The following MSRA variants were observed in gnomAD, a reference collection of about 807,000 sequenced individuals.
The protein encoded by MSRA is mitochondrial peptide methionine sulfoxide reductase.
A neutral mutation model predicts 31.3 loss-of-function variants in MSRA; 54 were observed. The ratio of observed to expected loss-of-function variants is 1.73; its 90% CI spans 1.39 to 2.17. MSRA has a LOEUF of 2.17. Among genes scored for constraint, MSRA ranks in the 30% most tolerant of loss-of-function variants. The pLI, the probability that MSRA is intolerant of heterozygous loss-of-function variation, is 0.00. For synonymous variants in MSRA, 169 were observed against 116.5 expected, an observed-to-expected ratio of 1.45 and a Z score of -2.90; for missense variants, 507 against 300.9, an observed-to-expected ratio of 1.69 and a Z score of -5.07.
At chr8:10,327,603 C>T (rs1177241740) in intron 5 of MSRA, among the ~76,000 whole-genome samples, 6 of 151,988 alleles carry the variant, frequency 3.9e-5, no homozygotes, top group African/African-American at 7.3e-5. Context: ...TGTTTTGTTG[C>T]GGGGAGGCGG....
chr8:10,329,555 A>C (rs1802571807), intron 5 of MSRA, among the ~76,000 whole-genome samples: 1 of 152,196 alleles, frequency 6.6e-6, no homozygotes, highest in Non-Finnish European at 1.5e-5. Flanking sequence ...GTGCCATATA[A>C]AATAACATTC....
At chr8:10,059,693 A>G (rs1020106220) in intron 1 of MSRA, among the ~76,000 whole-genome samples, 1 of 152,234 alleles carries the variant, frequency 6.6e-6, no homozygotes, top group East Asian at 1.9e-4. Flanking sequence ...AATCATCATA[A>G]GCAAAGCCAA....
In MSRA at chr8:10,306,271, G is replaced by A. The variant is rs561405379; in HGVS notation, c.436+4633G>A. On this transcript the variant is annotated intron_variant, in intron 4 of 5. Coordinates refer to ENST00000317173, the MANE Select transcript of MSRA (RefSeq NM_012331.5). ...AAGGGATAATAATGTCTATACTGCC[G>A]ACTTAATGGTCTGATGTAGGAATTA... Among the ~76,000 whole-genome samples the A allele has an allele frequency of 1.4e-4, 21 of 152,182 alleles. No homozygotes were observed. The South Asian group carries it at 2.9e-3, about 21-fold the overall frequency.
At chr8:10,286,798 C>G (rs1295534856) in intron 3 of MSRA, among the ~76,000 whole-genome samples, 1 of 152,200 alleles carries the variant, frequency 6.6e-6, no homozygotes, top group African/African-American at 2.4e-5. Flanking sequence ...CCTGGCCTGT[C>G]CAGCTGGGAC....
chr8:10,057,761 C>A (rs185361307), intron 1 of MSRA, among the ~76,000 whole-genome samples: 2 of 152,194 alleles, frequency 1.3e-5, no homozygotes, highest in Non-Finnish European at 1.5e-5. Context: ...GGAGATGTGC[C>A]AGCTTCCTCT....
At chr8:10,339,895 C>T (rs767678941) in intron 5 of MSRA, among the ~76,000 whole-genome samples, 4 of 152,048 alleles carry the variant, frequency 2.6e-5, no homozygotes, top group African/African-American at 4.8e-5. Flanking sequence ...AACATAAGGA[C>T]CCTATGGTCT....
At chr8:10,341,277 A>T (rs1222721428) in intron 5 of MSRA, among the ~76,000 whole-genome samples, 2 of 152,166 alleles carry the variant, frequency 1.3e-5, no homozygotes, top group African/African-American at 4.8e-5. Flanking sequence ...AGGCCTCAGG[A>T]AGTTTCTGAT....
intron 1 of MSRA, among the ~76,000 whole-genome samples, chr8:10,168,701 G>A (rs1805352572): frequency 6.6e-6 from 1 of 152,170 alleles, no homozygotes. Context: ...CCACACTTCT[G>A]TTTTCAGAAG....
intron 5 of MSRA, among the ~76,000 whole-genome samples, chr8:10,339,836 C>T (rs1052539892): frequency 6.6e-6 from 1 of 151,774 alleles, no homozygotes; most frequent in African/African-American, 2.4e-5. Flanking sequence ...CCACCACGCC[C>T]GGCAGCAAGG....
At chr8:10,388,067 TAAC>T (rs1325882027) in intron 5 of MSRA, among the ~76,000 whole-genome samples, 3 of 152,174 alleles carry the variant, frequency 2.0e-5, no homozygotes, top group African/African-American at 7.2e-5. Flanking sequence ...AAAAGACAAT[TAAC>T]AAAGTAAATT....
intron 5 of MSRA, among the ~76,000 whole-genome samples, chr8:10,349,980 C>A (rs1375014483): frequency 2.6e-5 from 4 of 152,260 alleles, no homozygotes; most frequent in African/African-American, 9.6e-5. Flanking sequence ...CTTCCAGCTA[C>A]CGCTGAAGCT....
chr8:10,241,745 A>G (rs1016550757), intron 2 of MSRA, among the ~76,000 whole-genome samples: 51 of 142,878 alleles, frequency 3.6e-4, no homozygotes, highest in African/African-American at 1.0e-3. Flanking sequence ...AAGACCATCC[A>G]TAGCCCCACC....
At chr8:10,351,287 C>T (rs1456040880) in intron 5 of MSRA, among the ~76,000 whole-genome samples, 1 of 127,658 alleles carries the variant, frequency 7.8e-6, no homozygotes. Context: ...CGGAGTCTCG[C>T]TCTGTTGCCG....
At chr8:10,169,560 G>C (rs991537483) in intron 1 of MSRA, among the ~76,000 whole-genome samples, 2 of 152,120 alleles carry the variant, frequency 1.3e-5, no homozygotes, top group Admixed American at 6.5e-5. Flanking sequence ...TTTGTGTTAG[G>C]CAAGTGATTC....
chr8:10,338,059 G>A (rs1299615176), intron 5 of MSRA, among the ~76,000 whole-genome samples: 1 of 152,154 alleles, frequency 6.6e-6, no homozygotes, highest in Non-Finnish European at 1.5e-5. Context: ...ATATCCTTAA[G>A]TGGGAGAAAA....
At chr8:10,377,917 G>C (rs1370292582) in intron 5 of MSRA, among the ~76,000 whole-genome samples, 4 of 152,234 alleles carry the variant, frequency 2.6e-5, no homozygotes, top group Non-Finnish European at 5.9e-5. Context: ...CGTGATCCAG[G>C]AGGGACTGCG....
intron 1 of MSRA, among the ~76,000 whole-genome samples, chr8:10,098,572 C>T (rs536875226): frequency 6.6e-6 from 1 of 152,084 alleles, no homozygotes; most frequent in South Asian, 2.1e-4. Flanking sequence ...AATTTAAACG[C>T]CTAGATAGAA....
At chr8:10,295,404 T>C (rs778637455) in intron 3 of MSRA, among the ~76,000 whole-genome samples, 1 of 123,816 alleles carries the variant, frequency 8.1e-6, no homozygotes, top group East Asian at 2.4e-4. Context: ...TACTCCTTCC[T>C]TCTCACACAG....
At chr8:10,207,401 T>C (rs1012853392) in intron 1 of MSRA, among the ~76,000 whole-genome samples, 5 of 152,250 alleles carry the variant, frequency 3.3e-5, no homozygotes, top group African/African-American at 1.2e-4. Context: ...CTTGCCCTTT[T>C]TACTTCTCAC....
Sources: gnomAD v4.1 joint callset for allele counts (sites outside exome capture counted in the v4.1 genomes callset) on GRCh38, gnomAD v4.1.1 for gene constraint, MANE v1.5 for transcripts, NCBI Gene and HGNC (gene_info 2026-07-23, HGNC 2026-07-21) for gene names.